Variants in SBF2 observed in about 807,000 individuals in gnomAD.
The protein encoded by SBF2 is SET binding factor 2.
A neutral mutation model predicts 225.2 loss-of-function variants in SBF2; 112 were observed. That is an observed-to-expected ratio of 0.50 (90% CI 0.43 to 0.58). The LOEUF is 0.58. Among genes scored for constraint, SBF2 ranks in the 20% least tolerant of loss-of-function variants. The pLI is 0.00. For synonymous variants in SBF2, 763 were observed against 773.3 expected (o/e 0.99, Z 0.22); for missense variants, 1,996 against 2,206.2 (o/e 0.90, Z 1.91).
intron 16 of SBF2, among the ~76,000 whole-genome samples, chr11:9,911,170 A>G (rs1862585080): frequency 6.6e-6 from 1 of 152,108 alleles, no homozygotes; most frequent in South Asian, 2.1e-4. Context: ...GTTCAAGACC[A>G]GCCTGGCCAA....
chr11:9,892,615 A>T (rs1261827194), intron 17 of SBF2, among the ~76,000 whole-genome samples: 1 of 151,632 alleles, frequency 6.6e-6, no homozygotes, highest in Non-Finnish European at 1.5e-5. Flanking sequence ...GCTGGAGTAC[A>T]ATGGTGCGCT....
intron 26 of SBF2, among the ~76,000 whole-genome samples, chr11:9,836,265 C>A: frequency 6.6e-6 from 1 of 152,096 alleles, no homozygotes; most frequent in East Asian, 1.9e-4. Context: ...ACCTTAATAA[C>A]AAACCTATTG....
At chr11:10,150,412 T>A (rs1017397239) in intron 2 of SBF2, among the ~76,000 whole-genome samples, 4 of 152,154 alleles carry the variant, frequency 2.6e-5, no homozygotes, top group African/African-American at 7.2e-5. Flanking sequence ...TGACCAAATG[T>A]CAACATAAAA....
At chr11:9,940,933 A>T (rs920476669) in intron 16 of SBF2, among the ~76,000 whole-genome samples, 1 of 152,186 alleles carries the variant, frequency 6.6e-6, no homozygotes, top group Non-Finnish European at 1.5e-5. Context: ...AAAAGCCACT[A>T]ATCAGTAGAC....
intron 2 of SBF2, among the ~76,000 whole-genome samples, chr11:10,093,333 A>T (rs537305535): frequency 6.6e-6 from 1 of 151,682 alleles, no homozygotes; most frequent in African/African-American, 2.4e-5. Flanking sequence ...ATAATTTTAG[A>T]TCAATATAAA....
chr11:9,869,734 C>T (rs1219545664), intron 17 of SBF2, among the ~76,000 whole-genome samples: 1 of 152,160 alleles, frequency 6.6e-6, no homozygotes, highest in Non-Finnish European at 1.5e-5. Flanking sequence ...AACAAACCCA[C>T]AGCCAATATT....
At chr11:10,180,816 A>G (rs751875501) in intron 2 of SBF2, among the ~76,000 whole-genome samples, 7 of 152,050 alleles carry the variant, frequency 4.6e-5, no homozygotes, top group Non-Finnish European at 8.8e-5. Flanking sequence ...CACTTGATCA[A>G]TTCTGCTGCT....
At chr11:9,952,765 T>C (rs943664444) in intron 16 of SBF2, among the ~76,000 whole-genome samples, 1 of 152,234 alleles carries the variant, frequency 6.6e-6, no homozygotes, top group Non-Finnish European at 1.5e-5. Context: ...TTCTACACTA[T>C]ACTCACTAAT....
intron 29 of SBF2, among the ~76,000 whole-genome samples, chr11:9,815,988 C>CT (rs1473372132): frequency 6.6e-6 from 1 of 152,176 alleles, no homozygotes; most frequent in Non-Finnish European, 1.5e-5. Flanking sequence ...TAATGGCACC[C>CT]TGCTCACAGT....
chr11:10,065,494 T>C (rs1950594911), intron 2 of SBF2, among the ~76,000 whole-genome samples: 1 of 151,934 alleles, frequency 6.6e-6, no homozygotes, highest in Admixed American at 6.6e-5. Context: ...TAAAAAAAAC[T>C]TTAGCCACAC....
In SBF2 at chr11:10,000,015, T is replaced by C. The variant is rs189487937; in HGVS notation, c.861+899A>G. On this transcript the variant is annotated intron_variant, in intron 8 of 39. Coordinates refer to ENST00000256190, the MANE Select transcript of SBF2 (RefSeq NM_030962.4). ...AATTTTTCTCAGGCTCTCTGAAAAG[T>C]GTCACATAATCTTTTCCTTACACTC... Among the ~76,000 whole-genome samples the C allele has an allele frequency of 4.8e-3, 727 of 152,330 alleles. 5 individuals are homozygous for C. Among genetic ancestry groups the C allele is most frequent in the Non-Finnish European group, 6.7e-3 (455 of 68,026 alleles).
At chr11:10,252,435 G>A (rs903298563) in intron 1 of SBF2, among the ~76,000 whole-genome samples, 1 of 152,214 alleles carries the variant, frequency 6.6e-6, no homozygotes, top group African/African-American at 2.4e-5. Flanking sequence ...TGTAATAATA[G>A]CTAAATCTTG....
At chr11:9,943,419 C>T (rs1354766693) in intron 16 of SBF2, among the ~76,000 whole-genome samples, 1 of 151,850 alleles carries the variant, frequency 6.6e-6, no homozygotes, top group African/African-American at 2.4e-5. Context: ...TGCCAAAAGA[C>T]ATCAGAAAGA....
At chr11:10,286,164 ACG>A (rs903545207) in intron 1 of SBF2, among the ~76,000 whole-genome samples, 1 of 111,718 alleles carries the variant, frequency 9.0e-6, no homozygotes, top group African/African-American at 3.0e-5. Flanking sequence ...AAACACGCAC[ACG>A]CACACACACA....
intron 9 of SBF2, among the ~76,000 whole-genome samples, chr11:9,994,577 C>CATATATACATATATATATAT: frequency 7.5e-6 from 1 of 134,118 alleles, no homozygotes; most frequent in South Asian, 2.3e-4. Flanking sequence ...TATATATGTA[C>CATATATACATATATATATAT]ATATATATAT....
intron 33 of SBF2, among the ~76,000 whole-genome samples, chr11:9,793,129 T>C (rs1180937463): frequency 6.6e-6 from 1 of 152,122 alleles, no homozygotes; most frequent in Non-Finnish European, 1.5e-5. Flanking sequence ...GAAATGCTTA[T>C]ATTTTCAAAT....
intron 16 of SBF2, among the ~76,000 whole-genome samples, chr11:9,955,548 T>C (rs1401476898): frequency 6.6e-6 from 1 of 152,084 alleles, no homozygotes; most frequent in East Asian, 1.9e-4. Context: ...TAAAGTATTA[T>C]ATCTACTGTC....
chr11:10,199,748 C>A (rs979465360), intron 1 of SBF2, among the ~76,000 whole-genome samples: 17 of 152,016 alleles, frequency 1.1e-4, no homozygotes, highest in African/African-American at 3.6e-4. Flanking sequence ...TATGGAGACC[C>A]CATCTCTACA....
intron 6 of SBF2, among the ~76,000 whole-genome samples, chr11:10,027,400 T>C (rs956563150): frequency 6.6e-6 from 1 of 152,204 alleles, no homozygotes; most frequent in African/African-American, 2.4e-5. Flanking sequence ...AGCAGAAGTA[T>C]ATGGATAGGG....
Sources: allele counts gnomAD v4.1 joint callset (sites outside exome capture counted in the v4.1 genomes callset), GRCh38; gene constraint gnomAD v4.1.1; transcripts MANE v1.5; gene names NCBI Gene and HGNC (gene_info 2026-07-23, HGNC 2026-07-21).